NLGN4Y: variants seen among roughly 807,000 people sequenced by gnomAD.
NLGN4Y encodes neuroligin-4, Y-linked.
NLGN4Y carries 4 observed loss-of-function variants against 8.4 expected under a neutral mutation model. The observed-to-expected ratio is 0.48, with a 90% CI of 0.23 to 1.09. NLGN4Y has a LOEUF of 1.09. NLGN4Y is among the 50% of genes least tolerant of loss of function. The probability of loss-of-function intolerance (pLI) is 0.19; values close to 1 mark genes in which losing one functional copy is unlikely to be tolerated. For missense variants in NLGN4Y, 90 were observed against 192.3 expected, an observed-to-expected ratio of 0.47 and a Z score of 3.15; for synonymous variants, 35 against 75.6, an observed-to-expected ratio of 0.46 and a Z score of 2.78.
intron 1 of NLGN4Y, among the ~76,000 whole-genome samples, chrY:14,558,538 C>T (rs777034357): frequency 9.2e-5 from 3 of 32,468 alleles, no homozygotes; most frequent in African/African-American, 2.4e-4. Flanking sequence ...CATAGACTTC[C>T]GTAATATGAG....
At chrY:14,821,019 T>C in intron 4 of NLGN4Y, among the ~76,000 whole-genome samples, 1 of 33,862 alleles carries the variant, frequency 3.0e-5, no homozygotes, top group African/African-American at 1.2e-4. Flanking sequence ...GAGTCTTTAG[T>C]CCAGCAGCCA....
intron 4 of NLGN4Y, among the ~76,000 whole-genome samples, chrY:14,797,886 A>T (rs2150582333): frequency 3.0e-5 from 1 of 33,550 alleles, no homozygotes; most frequent in South Asian, 6.6e-4. Context: ...AATATAAATT[A>T]TAAATTATTG....
chrY:14,550,933 G>A, intron 1 of NLGN4Y, among the ~76,000 whole-genome samples: 1 of 33,343 alleles, frequency 3.0e-5, no homozygotes, highest in Non-Finnish European at 7.4e-5. Context: ...TTGCTAGGTT[G>A]GGGGAGTTCT....
intron 2 of NLGN4Y, among the ~76,000 whole-genome samples, chrY:14,659,795 T>C (rs754239188): frequency 6.1e-5 from 2 of 32,672 alleles, no homozygotes; most frequent in Middle Eastern, 0.027. Flanking sequence ...GGTTACTGGC[T>C]ATGAGTGACA....
At chrY:14,784,258 A>G in intron 4 of NLGN4Y, among the ~76,000 whole-genome samples, 1 of 33,993 alleles carries the variant, frequency 2.9e-5, no homozygotes, top group African/African-American at 1.1e-4. Context: ...TCTTTCAACT[A>G]TTGTGGAATG....
intron 4 of NLGN4Y, among the ~76,000 whole-genome samples, chrY:14,766,632 A>G (rs926990931): frequency 3.0e-5 from 1 of 33,415 alleles, no homozygotes; most frequent in Admixed American, 2.8e-4. Context: ...TTTGTCCATT[A>G]CACTATTATT....
chrY:14,807,630 G>A, intron 4 of NLGN4Y, among the ~76,000 whole-genome samples: 1 of 33,205 alleles, frequency 3.0e-5, no homozygotes, highest in Non-Finnish European at 7.4e-5. Flanking sequence ...GGATGATTAT[G>A]GCTACTTCAT....
At chrY:14,585,764 A>G (rs2080338048) in intron 1 of NLGN4Y, among the ~76,000 whole-genome samples, 1 of 33,501 alleles carries the variant, frequency 3.0e-5, no homozygotes, top group Non-Finnish European at 7.4e-5. Context: ...TTAGAAAGAG[A>G]TAGTTGCCTT....
At chrY:14,552,981 GTC>G (rs2080199097) in intron 1 of NLGN4Y, among the ~76,000 whole-genome samples, 3 of 33,367 alleles carry the variant, frequency 9.0e-5, no homozygotes, top group Non-Finnish European at 1.5e-4. Flanking sequence ...AAGTCAAATT[GTC>G]TCTGTTTGCA....
intron 4 of NLGN4Y, among the ~76,000 whole-genome samples, chrY:14,725,286 G>A: frequency 3.0e-5 from 1 of 33,188 alleles, no homozygotes; most frequent in African/African-American, 1.2e-4. Context: ...TCTTCCCTTT[G>A]TATTCAAATA....
chrY:14,743,050 A>C (rs2081012062), intron 4 of NLGN4Y, among the ~76,000 whole-genome samples: 2 of 33,353 alleles, frequency 6.0e-5, no homozygotes, highest in African/African-American at 1.2e-4. Flanking sequence ...AAATGGGACT[A>C]CTGACTACAG....
At chrY:14,741,757 T>TC (rs2081006620) in intron 4 of NLGN4Y, among the ~76,000 whole-genome samples, 1 of 34,116 alleles carries the variant, frequency 2.9e-5, no homozygotes, top group African/African-American at 1.1e-4. Context: ...TCCTTTTTTT[T>TC]CCCCCGATGT....
intron 1 of NLGN4Y, among the ~76,000 whole-genome samples, chrY:14,583,912 T>A: frequency 3.0e-5 from 1 of 33,668 alleles, no homozygotes; most frequent in Non-Finnish European, 7.3e-5. Flanking sequence ...GCAAGTGGCA[T>A]AGATGCTTAA....
intron 1 of NLGN4Y, among the ~76,000 whole-genome samples, chrY:14,579,678 C>T (rs2080309444): frequency 3.0e-5 from 1 of 32,919 alleles, no homozygotes; most frequent in Non-Finnish European, 7.4e-5. Flanking sequence ...TACCATTGCA[C>T]TGCAGCCTGG....
chrY:14,768,648 C>A, intron 4 of NLGN4Y, among the ~76,000 whole-genome samples: 1 of 32,511 alleles, frequency 3.1e-5, no homozygotes, highest in African/African-American at 1.2e-4. Context: ...AAACATCAGG[C>A]AGAAACACTT....
rs764818163 is a variant in NLGN4Y at position 14,635,461 on chromosome Y, C to T, written c.472+12870C>T. On this transcript the variant is annotated intron_variant, in intron 2 of 6. Coordinates refer to ENST00000684976, the MANE Select transcript of NLGN4Y (RefSeq NM_001365588.1). Reference sequence around the variant, plus strand: ...TCTATAAAAAGCACAAAGCCTTCAGCGACTGCTTTAGGATTTCAGGGGAAG... The same window carrying T: ...TCTATAAAAAGCACAAAGCCTTCAGTGACTGCTTTAGGATTTCAGGGGAAG... Among the ~76,000 whole-genome samples, 4 of 32,729 alleles carry T rather than the reference C, an allele frequency of 1.2e-4. No individual in the cohort carries two copies. In the South Asian group the frequency reaches 2.7e-3, roughly 22 times the overall value. The allele number at this position is 32,729 out of a possible 37,273, so 87.8% of individuals were successfully genotyped here.
At chrY:14,536,915 G>T in intron 1 of NLGN4Y, among the ~76,000 whole-genome samples, 1 of 32,815 alleles carries the variant, frequency 3.0e-5, no homozygotes, top group Non-Finnish European at 7.5e-5. Flanking sequence ...CTTTTAAAAA[G>T]AATTCAATTG....
intron 1 of NLGN4Y, among the ~76,000 whole-genome samples, chrY:14,608,786 T>C: frequency 3.0e-5 from 1 of 32,990 alleles, no homozygotes; most frequent in Non-Finnish European, 7.5e-5. Context: ...GCGTTGAATT[T>C]AAAAACTACT....
intron 5 of NLGN4Y, among the ~76,000 whole-genome samples, chrY:14,824,722 G>A: frequency 3.0e-5 from 1 of 32,850 alleles, no homozygotes; most frequent in Non-Finnish European, 7.5e-5. Flanking sequence ...TTTGCTCAGG[G>A]TGGTCTCAAA....
Sources: gnomAD v4.1 joint callset for allele counts (sites outside exome capture counted in the v4.1 genomes callset) on GRCh38, gnomAD v4.1.1 for gene constraint, MANE v1.5 for transcripts, NCBI Gene and HGNC (gene_info 2026-07-23, HGNC 2026-07-21) for gene names.